Variants in PLPPR4 observed in about 807,000 individuals in gnomAD.
PLPPR4 encodes the protein phospholipid phosphatase related 4.
In PLPPR4, 24 loss-of-function variants were observed where a neutral mutation model predicts 56.6. That is an observed-to-expected ratio of 0.42 (90% CI 0.31 to 0.60). The LOEUF (loss-of-function observed/expected upper bound fraction) is 0.60, where lower values mean the gene tolerates loss of function less well. Ranked by LOEUF, PLPPR4 falls within the 20% of genes least tolerant of loss-of-function variation. The pLI, the probability that PLPPR4 is intolerant of heterozygous loss-of-function variation, is 0.13. For missense variants in PLPPR4, 654 were observed against 885.8 expected (o/e 0.74, Z 3.32); for synonymous variants, 326 against 328.1 (o/e 0.99, Z 0.07).
At chr1:99,303,085 C>T (rs571198299) in intron 6 of PLPPR4, among the ~76,000 whole-genome samples, 50 of 152,038 alleles carry the variant, frequency 3.3e-4, no homozygotes, top group Admixed American at 5.2e-4. Context: ...TTAGAAAAGA[C>T]GTCACAAAAG....
intron 1 of PLPPR4, among the ~76,000 whole-genome samples, chr1:99,282,740 T>C (rs1419271299): frequency 1.3e-5 from 2 of 151,974 alleles, no homozygotes; most frequent in Non-Finnish European, 2.9e-5. Flanking sequence ...GACTTCATTT[T>C]GTATCACTTC....
rs758161456 is a variant in PLPPR4 at position 99,287,992 on chromosome 1, A to G, written c.106A>G (p.Ser36Gly). The G allele has an allele frequency of 6.8e-6, 11 of 1,613,390 alleles. No homozygotes were observed. The highest frequency in any genetic ancestry group is 1.7e-4 in the Middle Eastern group (1 of 6,054). ...GCCTATATTGGCATCATCGGTGGTTAGCCTCTATTTCCTCGAACTCACAGA... is the reference window on the plus strand; with the variant it reads ...GCCTATATTGGCATCATCGGTGGTTGGCCTCTATTTCCTCGAACTCACAGA... ...ELPILASSVV[S>G]LYFLELTDVF... The change falls in exon 2 of 7, where the codon AGC becomes GGC. Residue 36 changes from serine to glycine, a missense_variant. Physicochemically the swap from Ser to Gly is moderately conservative, Grantham distance 56. This residue lies in a region of PLPPR4 where 186 missense variants were observed against 331.4 expected (regional missense o/e 0.56). Coordinates refer to ENST00000370185, the MANE Select transcript of PLPPR4 (RefSeq NM_014839.5).
intron 2 of PLPPR4, among the ~76,000 whole-genome samples, chr1:99,293,653 G>A (rs944936836): frequency 7.9e-5 from 12 of 152,126 alleles, no homozygotes; most frequent in Non-Finnish European, 1.8e-4. Context: ...TCCTGGAATA[G>A]CCTTAGCTTT....
At position 99,307,370 on chromosome 1, in the gene PLPPR4, G is replaced by A. The variant is rs1023467961; in HGVS notation, c.*360G>A. On this transcript the variant is annotated 3_prime_UTR_variant, in exon 7 of 7. Transcript: ENST00000370185. ...GATTTTTCTTTATAGTGAGCTGTGG[G>A]AACCCAGAACACACACGTTTTCCCT... 4 of 222,380 alleles carry A rather than the reference G, an allele frequency of 1.8e-5. No individual in the cohort carries two copies. The highest frequency in any genetic ancestry group is 2.3e-5 in the African/African-American group (1 of 43,646). The allele number at this position is 222,380 out of a possible 1,614,324, so 13.8% of individuals were successfully genotyped here. A position where few individuals can be genotyped will look rare whatever the true frequency, so the allele number is the denominator to read the frequency against.
In PLPPR4 at chr1:99,301,777, G is replaced by A; in HGVS notation, c.702G>A (p.Leu234=). The A allele has an allele frequency of 3.7e-6, 6 of 1,612,028 alleles. No homozygotes were observed. The highest frequency in any genetic ancestry group is 5.1e-6 in the Non-Finnish European group (6 of 1,178,694). Residue 234 remains leucine (L), a synonymous_variant, in exon 6 of 7, where the codon TTG becomes TTA. Coordinates refer to ENST00000370185, the MANE Select transcript of PLPPR4 (RefSeq NM_014839.5). ...CCTCTAAGCTTCTGAAACCTCTCTT[G>A]GTCTTCACATTTATCATCTGTGGAA... The part of the protein sequence containing the change: ...TDSSKLLKPL[L]VFTFIICGII...
chr1:99,272,122 C>T (rs1408913891), intron 1 of PLPPR4, among the ~76,000 whole-genome samples: 1 of 152,122 alleles, frequency 6.6e-6, no homozygotes, highest in African/African-American at 2.4e-5. Context: ...ACAGCATAGG[C>T]TATTTCTCAA....
At chr1:99,276,969 G>T (rs192232042) in intron 1 of PLPPR4, among the ~76,000 whole-genome samples, 2 of 152,264 alleles carry the variant, frequency 1.3e-5, no homozygotes, top group African/African-American at 4.8e-5. Flanking sequence ...GGATTCTCTA[G>T]CAAAGCTTTC....
In PLPPR4 at chr1:99,309,274, G is replaced by A. The variant is rs976382350; in HGVS notation, c.*2264G>A. ...TTAAAATAAATCAGACTAAAAGGTG[G>A]TATCTCTTCTTAGTGTTCTATTTAT... On this transcript the variant is annotated 3_prime_UTR_variant, in exon 7 of 7. Coordinates refer to ENST00000370185, the MANE Select transcript of PLPPR4 (RefSeq NM_014839.5). The A allele has an allele frequency of 6.6e-6, 1 of 152,354 alleles. No homozygotes were observed. Among genetic ancestry groups the A allele is most frequent in the African/African-American group, 2.4e-5 (1 of 41,414 alleles). The allele number at this position is 152,354 out of a possible 1,614,324, so 9.4% of individuals were successfully genotyped here.
intron 2 of PLPPR4, among the ~76,000 whole-genome samples, chr1:99,294,854 CAG>C (rs1404690208): frequency 5.3e-5 from 8 of 151,474 alleles, no homozygotes; most frequent in Admixed American, 6.6e-5. Flanking sequence ...TATAATTATA[CAG>C]AGAGAAAAAA....
At chr1:99,294,371 A>C (rs61783478) in intron 2 of PLPPR4, among the ~76,000 whole-genome samples, 1 of 152,200 alleles carries the variant, frequency 6.6e-6, no homozygotes, top group Non-Finnish European at 1.5e-5. Context: ...TTTTCTTTGC[A>C]TATGAGTTTT....
chr1:99,271,896 T>C (rs1659066524), intron 1 of PLPPR4, among the ~76,000 whole-genome samples: 1 of 104,152 alleles, frequency 9.6e-6, no homozygotes. Context: ...AAGGTAGGAG[T>C]GAAGTGTGTG....
At chr1:99,268,431 G>T (rs963938105) in intron 1 of PLPPR4, among the ~76,000 whole-genome samples, 18 of 152,232 alleles carry the variant, frequency 1.2e-4, no homozygotes, top group African/African-American at 4.3e-4. Flanking sequence ...ATACCCCAAT[G>T]GGCATTAGGC....
At position 99,264,504 on chromosome 1, in the gene PLPPR4, G is replaced by A. The variant is rs1448019095; in HGVS notation, c.-90G>A. On this transcript the variant is annotated 5_prime_UTR_variant, in exon 1 of 7. Transcript: ENST00000370185. ...CGGGGAATGTGACATCAGCGGCGCC[G>A]GGCGCTTGGGGCTGGAGGAGGCAGC... The A allele has an allele frequency of 5.2e-6, 8 of 1,541,852 alleles. No homozygotes were observed. The highest frequency in any genetic ancestry group is 2.0e-5 in the Admixed American group (1 of 48,900).
chr1:99,298,355 G>A (rs1659794977), intron 3 of PLPPR4, among the ~76,000 whole-genome samples: 1 of 152,142 alleles, frequency 6.6e-6, no homozygotes, highest in African/African-American at 2.4e-5. Context: ...CATGGAGTTT[G>A]CATGTACAAG....
At chr1:99,271,430 A>T (rs1659057514) in intron 1 of PLPPR4, among the ~76,000 whole-genome samples, 1 of 152,180 alleles carries the variant, frequency 6.6e-6, no homozygotes, top group Admixed American at 6.5e-5. Context: ...ACAATGCTAA[A>T]CCTAGTGATG....
chr1:99,292,869 G>A (rs189503996), intron 2 of PLPPR4, among the ~76,000 whole-genome samples: 1 of 151,630 alleles, frequency 6.6e-6, no homozygotes, highest in Admixed American at 6.6e-5. Flanking sequence ...TCTTGTTCTA[G>A]AACCATAATT....
At position 99,307,533 on chromosome 1, in the gene PLPPR4, A is replaced by C. The variant is rs1365267328; in HGVS notation, c.*523A>C. 2 of 153,148 alleles carry C rather than the reference A, an allele frequency of 1.3e-5. No individual in the cohort carries two copies. The highest frequency in any genetic ancestry group is 2.9e-5 in the Non-Finnish European group (2 of 68,648). The allele number at this position is 153,148 out of a possible 1,614,324, so 9.5% of individuals were successfully genotyped here. On this transcript the variant is annotated 3_prime_UTR_variant, in exon 7 of 7. Coordinates refer to ENST00000370185, the MANE Select transcript of PLPPR4 (RefSeq NM_014839.5). ...ATTTAGCTGTGAAATAGTGGTGTGC[A>C]ATTCCTTGTTAAAGAAATGCTACTT... is the stretch of plus-strand genomic sequence containing the variant.
Position 99,296,840 on chromosome 1 carries a change from T to C in PLPPR4, c.367T>C (p.Phe123Leu). The change falls in exon 3 of 7, where the codon TTC becomes CTC. Residue 123 changes from phenylalanine to leucine, a missense_variant. Transcript: ENST00000370185. Reference sequence around the variant, plus strand: ...TGCTGGAGGCTGCAACTTCAATTCCTTCCTCAGACGAGCTGTCAGATTCGT... The same window carrying C: ...TGCTGGAGGCTGCAACTTCAATTCCCTCCTCAGACGAGCTGTCAGATTCGT... The part of the protein sequence containing the change: ...INAGGCNFNS[F>L]LRRAVRFVGV... 6.3e-7 allele frequency: 1 copy of C among 1,589,830 alleles called. No individual in the cohort carries two copies. The highest frequency in any genetic ancestry group is 1.1e-5 in the South Asian group (1 of 87,002).
At chr1:99,296,921 G>A in intron 3 of PLPPR4, 54 bp downstream of exon 3, 1 of 1,427,536 alleles carries the variant, frequency 7.0e-7, no homozygotes, top group Non-Finnish European at 9.3e-7. Flanking sequence ...ATATTGAAAT[G>A]TTATATTTAA....
Sources: gnomAD v4.1 joint callset for allele counts (sites outside exome capture counted in the v4.1 genomes callset) on GRCh38, gnomAD v4.1.1 for gene constraint, gnomAD v4.1.1 regional missense constraint, MANE v1.5 for transcripts, NCBI Gene and HGNC (gene_info 2026-07-23, HGNC 2026-07-21) for gene names.